EIF2B3: variants seen among roughly 807,000 people sequenced by gnomAD.
The protein encoded by EIF2B3 is translation initiation factor eIF2B subunit gamma.
In EIF2B3, 20 loss-of-function variants were observed where a neutral mutation model predicts 54.1. That is an observed-to-expected ratio of 0.37 (90% CI 0.26 to 0.54). The LOEUF is 0.54. EIF2B3 is among the 20% of genes least tolerant of loss of function. EIF2B3 has a pLI of 0.86. For missense variants in EIF2B3, 448 were observed against 547.8 expected, an observed-to-expected ratio of 0.82 and a Z score of 1.82; for synonymous variants, 153 against 188.1, an observed-to-expected ratio of 0.81 and a Z score of 1.52.
chr1:44,918,225 A>G (rs547030673), intron 5 of EIF2B3, among the ~76,000 whole-genome samples: 6 of 145,550 alleles, frequency 4.1e-5, no homozygotes, highest in Non-Finnish European at 9.1e-5. Flanking sequence ...CTGGGATTAC[A>G]TGCATCCACC....
rs1643936783 is a variant in EIF2B3, at chr1:44,935,425, C to G, written c.454+6081G>C. Among the ~76,000 whole-genome samples the G allele has an allele frequency of 1.3e-5, 2 of 152,162 alleles. 1 individual carries two copies. Among genetic ancestry groups the G allele is most frequent in the South Asian group, 4.1e-4 (2 of 4,828 alleles). ...AGATATATATGCATATACGGTGTCA[C>G]TGAAATTCTCTATGTGTCGTCTTTA... On this transcript the variant is annotated intron_variant, in intron 4 of 11. Coordinates refer to ENST00000360403, the MANE Select transcript of EIF2B3 (RefSeq NM_020365.5).
At chr1:44,854,129 A>G (rs932076187) in intron 11 of EIF2B3, among the ~76,000 whole-genome samples, 5 of 151,622 alleles carry the variant, frequency 3.3e-5, no homozygotes, top group Admixed American at 2.0e-4. Context: ...CAGCCTCCCA[A>G]GTAGCTGGGA....
At chr1:44,904,622 T>G (rs941441920) in intron 5 of EIF2B3, among the ~76,000 whole-genome samples, 4 of 152,208 alleles carry the variant, frequency 2.6e-5, no homozygotes, top group Admixed American at 2.6e-4. Context: ...CATGCCATTC[T>G]CCTGCCTCAG....
chr1:44,984,795 A>ATTTTTTTTTTTTTTTTTTTTT (rs1557718636), intron 1 of EIF2B3, among the ~76,000 whole-genome samples: 1 of 80,468 alleles, frequency 1.2e-5, no homozygotes, highest in African/African-American at 8.6e-5. Flanking sequence ...AATAATGTCC[A>ATTTTTTTTTTTTTTTTTTTTT]TCTTTTTTTT....
intron 4 of EIF2B3, among the ~76,000 whole-genome samples, chr1:44,939,851 CA>C (rs1208384738): frequency 3.3e-5 from 5 of 151,574 alleles, no homozygotes; most frequent in South Asian, 2.1e-4. Flanking sequence ...ACAAAGGAAA[CA>C]AAAAAATTAA....
intron 3 of EIF2B3, among the ~76,000 whole-genome samples, chr1:44,968,675 G>A (rs1210122949): frequency 6.6e-6 from 1 of 152,032 alleles, no homozygotes; most frequent in Non-Finnish European, 1.5e-5. Context: ...GAGGCGGGCG[G>A]ATCATGAGGT....
chr1:44,883,008 C>A (rs1557669381), intron 6 of EIF2B3, among the ~76,000 whole-genome samples: 1 of 145,808 alleles, frequency 6.9e-6, no homozygotes, highest in Non-Finnish European at 1.5e-5. Context: ...TGGCTTATCG[C>A]AACCTCCACC....
intron 3 of EIF2B3, chr1:44,959,294 C>T: frequency 1.5e-6 from 1 of 657,004 alleles, no homozygotes; most frequent in Admixed American, 2.1e-5. Context: ...TCCACAGCAC[C>T]TGAAACCAGC....
intron 6 of EIF2B3, among the ~76,000 whole-genome samples, chr1:44,888,403 G>A (rs1300017862): frequency 6.6e-6 from 1 of 152,076 alleles, no homozygotes; most frequent in Non-Finnish European, 1.5e-5. Context: ...CTCAGGGAAG[G>A]GGAACCCAGA....
At chr1:44,900,444 T>A (rs263969) in intron 5 of EIF2B3, among the ~76,000 whole-genome samples, 800 of 41,946 alleles carry the variant, frequency 0.019, 6 homozygotes, top group African/African-American at 0.066. Context: ...GAGAATCATC[T>A]CAAAAAAAAA....
chr1:44,936,305 C>T (rs1049973875), intron 4 of EIF2B3, among the ~76,000 whole-genome samples: 5 of 151,520 alleles, frequency 3.3e-5, no homozygotes, highest in Admixed American at 1.3e-4. Context: ...GTGGGCTGGG[C>T]GCAGTAGCTC....
intron 5 of EIF2B3, among the ~76,000 whole-genome samples, chr1:44,917,583 T>C (rs1431687654): frequency 1.3e-5 from 2 of 151,600 alleles, no homozygotes; most frequent in Non-Finnish European, 2.9e-5. Flanking sequence ...TTTTAAAAAA[T>C]TAAAATTGAA....
intron 8 of EIF2B3, among the ~76,000 whole-genome samples, chr1:44,877,028 G>C (rs1392797048): frequency 3.3e-5 from 5 of 150,258 alleles, no homozygotes; most frequent in African/African-American, 1.2e-4. Context: ...ACCACTCCCT[G>C]ATCTTAAGTA....
At chr1:44,961,536 G>T (rs932839328) in intron 3 of EIF2B3, among the ~76,000 whole-genome samples, 4 of 151,966 alleles carry the variant, frequency 2.6e-5, no homozygotes, top group African/African-American at 9.7e-5. Flanking sequence ...TTTAAATTAG[G>T]CAGGTGTGGT....
At chr1:44,878,507 C>A (rs1655271267) in intron 8 of EIF2B3, among the ~76,000 whole-genome samples, 1 of 152,116 alleles carries the variant, frequency 6.6e-6, no homozygotes, top group African/African-American at 2.4e-5. Context: ...AGGCGATCCA[C>A]CCGTCTCAGC....
At chr1:44,912,882 C>T (rs1276083433) in intron 5 of EIF2B3, among the ~76,000 whole-genome samples, 1 of 152,076 alleles carries the variant, frequency 6.6e-6, no homozygotes, top group Non-Finnish European at 1.5e-5. Context: ...AATACCAAAA[C>T]AGTGGTTTGA....
chr1:44,866,602 C>T (rs920643127), intron 10 of EIF2B3, among the ~76,000 whole-genome samples: 14 of 151,482 alleles, frequency 9.2e-5, no homozygotes, highest in African/African-American at 2.4e-4. Flanking sequence ...TCATCCAGTC[C>T]GGAGTCCAAT....
Position 44,881,844 on chromosome 1 carries a change from G to A in EIF2B3, c.657-105C>T. On this transcript the variant is annotated intron_variant, in intron 6 of 11. Coordinates refer to ENST00000360403, the MANE Select transcript of EIF2B3 (RefSeq NM_020365.5). The surrounding 1 kb of genome is among the most constrained non-coding windows in gnomAD (Gnocchi z 4.0). ...AAAAGCCAAATCCTTTCCTGTCATG[G>A]CACCTTGGGACTGTCAGAGATCAAA... The A allele has an allele frequency of 1.4e-6, 2 of 1,465,302 alleles. No individual in the cohort carries two copies. Among genetic ancestry groups the A allele is most frequent in the South Asian group, 1.2e-5 (1 of 86,230 alleles). 90.8% of individuals were successfully genotyped at this position (1,465,302 alleles called of 1,614,324 possible).
intron 7 of EIF2B3, among the ~76,000 whole-genome samples, chr1:44,880,544 G>C (rs1255117362): frequency 1.3e-5 from 2 of 152,172 alleles, no homozygotes; most frequent in Non-Finnish European, 2.9e-5. Flanking sequence ...TGCTATGACA[G>C]AAAGTACAGA....
Sources: gnomAD v4.1 joint callset for allele counts (sites outside exome capture counted in the v4.1 genomes callset) on GRCh38, gnomAD v4.1.1 for gene constraint, Gnocchi (gnomAD v3.1) non-coding constraint, MANE v1.5 for transcripts, NCBI Gene and HGNC (gene_info 2026-07-23, HGNC 2026-07-21) for gene names.